The following AGAP1 variants were observed in gnomAD, a reference collection of about 807,000 sequenced individuals.
AGAP1 encodes arf-GAP with GTPase, ANK repeat and PH domain-containing protein 1.
In AGAP1, 29 loss-of-function variants were observed where a neutral mutation model predicts 105.3. The ratio of observed to expected loss-of-function variants is 0.28; its 90% CI spans 0.21 to 0.38. The LOEUF (loss-of-function observed/expected upper bound fraction) is 0.38. Among genes scored for constraint, AGAP1 ranks in the 10% least tolerant of loss-of-function variants. The pLI is 1.00. For missense variants in AGAP1, 998 were observed against 1,165.1 expected (o/e 0.86, Z 2.09); for synonymous variants, 509 against 485.9 (o/e 1.05, Z -0.63).
rs573141902 is a variant in AGAP1, at chr2:235,555,460, C to T, written c.163+60611C>T. ...TCAGGGAATAGGCATGTGGGGCACACTCTCCAGGCACATCCAGGGCTGGAC... is the reference window on the plus strand; with the variant it reads ...TCAGGGAATAGGCATGTGGGGCACATTCTCCAGGCACATCCAGGGCTGGAC... On this transcript the variant is annotated intron_variant, in intron 1 of 17. Coordinates refer to ENST00000304032, the MANE Select transcript of AGAP1 (RefSeq NM_001037131.3). This position sits in a 1 kb window ranked among gnomAD's most constrained non-coding sequence, Gnocchi z 5.1. 6.6e-6 allele frequency among the ~76,000 whole-genome samples: 1 copy of T among 152,266 alleles called. No homozygotes were observed. Among genetic ancestry groups the T allele is most frequent in the South Asian group, 2.1e-4 (1 of 4,816 alleles).
Position 235,891,230 on chromosome 2 carries a change from A to G in AGAP1, c.1155+7781A>G, listed in dbSNP as rs980679345. On this transcript the variant is annotated intron_variant, in intron 10 of 17. Coordinates refer to ENST00000304032, the MANE Select transcript of AGAP1 (RefSeq NM_001037131.3). This position sits in a 1 kb window ranked among gnomAD's most constrained non-coding sequence, Gnocchi z 4.2. ...CTTTATCTCCACTTCGCATTTTGCA[A>G]TGATAACCCTAAACATTTAAATAAG... is the stretch of plus-strand genomic sequence containing the variant. Among the ~76,000 whole-genome samples the G allele has an allele frequency of 6.6e-5, 10 of 152,162 alleles. No homozygotes were observed. Among genetic ancestry groups the G allele is most frequent in the Non-Finnish European group, 8.8e-5 (6 of 68,034 alleles).
At position 235,596,047 on chromosome 2, in the gene AGAP1, C is replaced by T. The variant is rs575747264; in HGVS notation, c.163+101198C>T. 3.3e-4 allele frequency among the ~76,000 whole-genome samples: 51 copies of T among 152,308 alleles called. No individual in the cohort carries two copies. Among genetic ancestry groups the T allele is most frequent in the African/African-American group, 1.2e-3 (48 of 41,576 alleles). On this transcript the variant is annotated intron_variant, in intron 1 of 17. Coordinates refer to ENST00000304032, the MANE Select transcript of AGAP1 (RefSeq NM_001037131.3). This position sits in a 1 kb window ranked among gnomAD's most constrained non-coding sequence, Gnocchi z 5.9. ...CTCCTGGAAGTGGTTGTGAAAATCG[C>T]AGCCCTGTGAATTGTGTGCCCTAAG...
At chr2:235,829,330 A>G (rs1408566316) in intron 9 of AGAP1, among the ~76,000 whole-genome samples, 2 of 152,240 alleles carry the variant, frequency 1.3e-5, no homozygotes, top group East Asian at 3.8e-4. Flanking sequence ...TTATGTCCGT[A>G]ATGTGATGGG....
At chr2:235,925,081 C>T (rs2052380431) in intron 11 of AGAP1, among the ~76,000 whole-genome samples, 1 of 152,140 alleles carries the variant, frequency 6.6e-6, no homozygotes, top group Non-Finnish European at 1.5e-5. Context: ...ACTCACCCCC[C>T]AAAGTAGGCC....
chr2:236,076,651 T>TA lies in AGAP1; in HGVS notation c.2114+27373dup, dbSNP rs2058641840. 6.6e-6 allele frequency among the ~76,000 whole-genome samples: 1 copy of TA among 152,118 alleles called. No individual in the cohort carries two copies. Among genetic ancestry groups the TA allele is most frequent in the South Asian group, 2.1e-4 (1 of 4,834 alleles). ...AATGAGTTGTGTTTGAGAACTGGAT[T>TA]AAACAAAATTACAGAGGCTTCTTTG... On this transcript the variant is annotated intron_variant, in intron 16 of 17. Coordinates refer to ENST00000304032, the MANE Select transcript of AGAP1 (RefSeq NM_001037131.3). The surrounding 1 kb of genome is among the most constrained non-coding windows in gnomAD (Gnocchi z 4.4).
Position 235,859,113 on chromosome 2 carries a change from G to A in AGAP1, c.1051-24232G>A, listed in dbSNP as rs558312452. Among the ~76,000 whole-genome samples, 8 of 152,224 alleles carry A rather than the reference G, an allele frequency of 5.3e-5. No individual in the cohort carries two copies. The South Asian group carries it at 6.2e-4, about 12-fold the overall frequency. On this transcript the variant is annotated intron_variant, in intron 9 of 17. Coordinates refer to ENST00000304032, the MANE Select transcript of AGAP1 (RefSeq NM_001037131.3). Reference sequence around the variant, plus strand: ...TCGATCTTTATTAATGGTGCTCGGCGGCTGCTGACAGTTTTGTTGCTACTG... The same window carrying A: ...TCGATCTTTATTAATGGTGCTCGGCAGCTGCTGACAGTTTTGTTGCTACTG...
rs1293781541 is a variant in AGAP1 at position 235,655,761 on chromosome 2, A to G, written c.164-53418A>G. Among the ~76,000 whole-genome samples, 1 of 152,198 alleles carries G rather than the reference A, an allele frequency of 6.6e-6. No homozygotes were observed. Among genetic ancestry groups the G allele is most frequent in the Non-Finnish European group, 1.5e-5 (1 of 68,046 alleles). ...AAAGGATCTTTAGTGCCACGTGTGTATTTTTAACACATTTCCAAAAGCATG... is the reference window on the plus strand; with the variant it reads ...AAAGGATCTTTAGTGCCACGTGTGTGTTTTTAACACATTTCCAAAAGCATG... On this transcript the variant is annotated intron_variant, in intron 1 of 17. Coordinates refer to ENST00000304032, the MANE Select transcript of AGAP1 (RefSeq NM_001037131.3). The surrounding 1 kb of genome is among the most constrained non-coding windows in gnomAD (Gnocchi z 4.3).
intron 9 of AGAP1, among the ~76,000 whole-genome samples, chr2:235,809,072 T>C (rs1457368335): frequency 1.3e-5 from 2 of 152,234 alleles, no homozygotes; most frequent in African/African-American, 4.8e-5. Context: ...AATAATAGAC[T>C]GTTTTCTTAA....
intron 1 of AGAP1, among the ~76,000 whole-genome samples, chr2:235,674,752 G>A (rs1408098033): frequency 6.7e-6 from 1 of 148,444 alleles, no homozygotes; most frequent in African/African-American, 2.5e-5. Context: ...TGCAGTGAGC[G>A]ATCTCAGCTC....
At chr2:235,548,952 CAG>C (rs1173693296) in intron 1 of AGAP1, among the ~76,000 whole-genome samples, 4 of 152,172 alleles carry the variant, frequency 2.6e-5, no homozygotes, top group Non-Finnish European at 5.9e-5. Flanking sequence ...CTGGTCCTTA[CAG>C]AAAAAGCATC....
Position 236,104,597 on chromosome 2 carries a change from C to A in AGAP1, c.2115-15595C>A, listed in dbSNP as rs1559279925. The stretch of plus-strand genomic sequence containing the variant: ...GAGAATCCAACTTGGGTTACAAAGA[C>A]AAGCGTGCACAGGCCAGGCGCGGTG... On this transcript the variant is annotated intron_variant, in intron 16 of 17. Transcript: ENST00000304032. This position sits in a 1 kb window ranked among gnomAD's most constrained non-coding sequence, Gnocchi z 4.7. 6.6e-6 allele frequency among the ~76,000 whole-genome samples: 1 copy of A among 152,154 alleles called. No homozygotes were observed. Among genetic ancestry groups the A allele is most frequent in the Non-Finnish European group, 1.5e-5 (1 of 68,014 alleles).
chr2:235,562,484 C>T (rs1944189170), intron 1 of AGAP1, among the ~76,000 whole-genome samples: 1 of 152,094 alleles, frequency 6.6e-6, no homozygotes, highest in East Asian at 1.9e-4. Context: ...AGACTGCTTT[C>T]CCTTCCTGCA....
At chr2:235,890,074 G>T (rs1429536647) in intron 10 of AGAP1, among the ~76,000 whole-genome samples, 1 of 152,032 alleles carries the variant, frequency 6.6e-6, no homozygotes, top group Non-Finnish European at 1.5e-5. Context: ...AGGATGATGG[G>T]GTCCCTGCAC....
Position 236,045,301 on chromosome 2 carries a change from G to A in AGAP1, c.1892-3758G>A, listed in dbSNP as rs966121622. 1.1e-4 allele frequency among the ~76,000 whole-genome samples: 16 copies of A among 152,184 alleles called. No homozygotes were observed. The highest frequency in any genetic ancestry group is 6.8e-3 in the Middle Eastern group (2 of 294). On this transcript the variant is annotated intron_variant, in intron 15 of 17. Transcript: ENST00000304032. The surrounding 1 kb of genome is among the most constrained non-coding windows in gnomAD (Gnocchi z 6.9). ...GTGGGCAGGGATTTTTCTCCGTTTT[G>A]TTCACTGCTGTATCCCCAGAAGCCA...
chr2:235,742,021 G>C (rs1952620623), intron 4 of AGAP1, among the ~76,000 whole-genome samples: 1 of 152,150 alleles, frequency 6.6e-6, no homozygotes, highest in South Asian at 2.1e-4. Flanking sequence ...CCAAAGTGCT[G>C]GGATTACAGG....
intron 1 of AGAP1, among the ~76,000 whole-genome samples, chr2:235,534,331 G>A (rs1943139682): frequency 6.6e-6 from 1 of 152,138 alleles, no homozygotes; most frequent in Non-Finnish European, 1.5e-5. Context: ...TTAATAAGAG[G>A]TCGCTGCTGT....
chr2:235,816,485 T>C (rs1433078974), intron 9 of AGAP1, among the ~76,000 whole-genome samples: 1 of 147,982 alleles, frequency 6.8e-6, no homozygotes, highest in Admixed American at 6.7e-5. Flanking sequence ...GTGCAGAGAC[T>C]CCAGGTCAGA....
intron 13 of AGAP1, among the ~76,000 whole-genome samples, chr2:235,985,205 G>T (rs1559725419): frequency 6.6e-6 from 1 of 152,348 alleles, no homozygotes; most frequent in East Asian, 1.9e-4. Flanking sequence ...GATGATCAGT[G>T]AGTTGAGCTT....
chr2:235,508,385 A>G (rs903507161), intron 1 of AGAP1, among the ~76,000 whole-genome samples: 1 of 152,210 alleles, frequency 6.6e-6, no homozygotes, highest in Admixed American at 6.5e-5. Context: ...AAGTCTGCAG[A>G]AGTACTTGGG....
Sources: gnomAD v4.1 joint callset for allele counts (sites outside exome capture counted in the v4.1 genomes callset) on GRCh38, gnomAD v4.1.1 for gene constraint, Gnocchi (gnomAD v3.1) non-coding constraint, MANE v1.5 for transcripts, NCBI Gene and HGNC (gene_info 2026-07-23, HGNC 2026-07-21) for gene names.